The following GPHN variants were observed in gnomAD, a reference collection of about 807,000 sequenced individuals.
The protein encoded by GPHN is gephyrin.
Under a neutral mutation model 95.5 loss-of-function variants are expected in GPHN, and 17 were observed. The observed-to-expected ratio is 0.18, with a 90% CI of 0.12 to 0.27. The LOEUF is 0.27. GPHN is among the 10% of genes least tolerant of loss of function. The pLI, the probability that GPHN is intolerant of heterozygous loss-of-function variation, is 1.00. For synonymous variants in GPHN, 320 were observed against 322.5 expected, an observed-to-expected ratio of 0.99 and a Z score of 0.08; for missense variants, 660 against 978.1, an observed-to-expected ratio of 0.67 and a Z score of 4.34.
chr14:67,723,168 GT>G, the GPHN span, among the ~76,000 whole-genome samples: 1 of 152,208 alleles, frequency 6.6e-6, no homozygotes, highest in Non-Finnish European at 1.5e-5. Flanking sequence ...CTCAATTAAT[GT>G]TTTGGGATGG....
intron 1 of GPHN, among the ~76,000 whole-genome samples, chr14:66,674,641 TTC>T (rs2066486559): frequency 6.6e-6 from 1 of 152,198 alleles, no homozygotes; most frequent in Non-Finnish European, 1.5e-5. Context: ...ATGCATTTAA[TTC>T]TCTCTCTCTT....
the GPHN span, among the ~76,000 whole-genome samples, chr14:67,361,540 G>A: frequency 1.3e-5 from 2 of 152,204 alleles, no homozygotes; most frequent in Non-Finnish European, 2.9e-5. Flanking sequence ...GAATTATCAC[G>A]AGAGTTGTCC....
chr14:66,875,004 G>T (rs2063589819), intron 4 of GPHN, among the ~76,000 whole-genome samples: 2 of 152,182 alleles, frequency 1.3e-5, no homozygotes, highest in Admixed American at 1.3e-4. Flanking sequence ...AGGGCAGCCA[G>T]AGAGAAAGGT....
At chr14:67,459,668 C>T in the GPHN span, among the ~76,000 whole-genome samples, 1 of 152,222 alleles carries the variant, frequency 6.6e-6, no homozygotes, top group African/African-American at 2.4e-5. Context: ...GGGTCAGAGA[C>T]ATCACTTGGG....
At chr14:67,557,450 C>T in the GPHN span, 4 of 1,602,944 alleles carry the variant, frequency 2.5e-6, no homozygotes, top group African/African-American at 1.3e-5. Flanking sequence ...AGCACCATGC[C>T]CTCTTCGACA....
chr14:66,614,518 A>G (rs2062917941), intron 1 of GPHN, among the ~76,000 whole-genome samples: 1 of 151,600 alleles, frequency 6.6e-6, no homozygotes, highest in Non-Finnish European at 1.5e-5. Context: ...GCTTTTCTAC[A>G]TGCAAAATGA....
At chr14:67,324,279 A>G in the GPHN span, among the ~76,000 whole-genome samples, 1 of 152,336 alleles carries the variant, frequency 6.6e-6, no homozygotes, top group African/African-American at 2.4e-5. Flanking sequence ...TATGCTAGAT[A>G]TGGTTGAGGT....
intron 1 of GPHN, among the ~76,000 whole-genome samples, chr14:66,596,582 C>T (rs1189673458): frequency 2.6e-5 from 4 of 152,198 alleles, no homozygotes; most frequent in Non-Finnish European, 4.4e-5. Flanking sequence ...TGAATGTGTG[C>T]ACACCTGGCT....
chr14:67,647,028 A>T, the GPHN span: 1 of 1,592,498 alleles, frequency 6.3e-7, no homozygotes, highest in Non-Finnish European at 8.6e-7. Context: ...ATTGGCAAGT[A>T]AGTAACTATA....
At chr14:66,560,439 T>C (rs2060186480) in intron 1 of GPHN, among the ~76,000 whole-genome samples, 1 of 152,198 alleles carries the variant, frequency 6.6e-6, no homozygotes. Context: ...GTAGTTCTCC[T>C]TGAAGAGGTC....
At chr14:67,193,062 A>ATC in the GPHN span, among the ~76,000 whole-genome samples, 34 of 144,148 alleles carry the variant, frequency 2.4e-4, no homozygotes, top group East Asian at 5.7e-3. Flanking sequence ...ATATCTCTAT[A>ATC]TCTATATATA....
intron 3 of GPHN, among the ~76,000 whole-genome samples, chr14:66,818,932 A>T (rs1197713879): frequency 6.6e-6 from 1 of 151,654 alleles, no homozygotes; most frequent in Admixed American, 6.7e-5. Context: ...CCACTTTTTA[A>T]TGGGTTTTTT....
the GPHN span, among the ~76,000 whole-genome samples, chr14:67,282,542 T>C: frequency 6.6e-6 from 1 of 152,136 alleles, no homozygotes; most frequent in Non-Finnish European, 1.5e-5. Flanking sequence ...CAATGTATGA[T>C]AATAAAAGTA....
chr14:67,129,385 AAAG>A (rs1333010315), intron 17 of GPHN, among the ~76,000 whole-genome samples: 1 of 152,206 alleles, frequency 6.6e-6, no homozygotes, highest in East Asian at 1.9e-4. Flanking sequence ...GGCAAATTAA[AAAG>A]AAGCCAAAGT....
chr14:67,137,272 A>T (rs1159454763), intron 17 of GPHN, among the ~76,000 whole-genome samples: 1 of 151,498 alleles, frequency 6.6e-6, no homozygotes, highest in East Asian at 2.1e-4. Flanking sequence ...CAGCCTCCCG[A>T]GTAGCTGGGA....
chr14:66,805,899 G>C (rs187369437), intron 3 of GPHN, among the ~76,000 whole-genome samples: 1 of 152,278 alleles, frequency 6.6e-6, no homozygotes, highest in Non-Finnish European at 1.5e-5. Flanking sequence ...GGGTCTGGAG[G>C]ATGGTGGCCC....
the GPHN span, among the ~76,000 whole-genome samples, chr14:67,389,280 G>A: frequency 6.6e-6 from 1 of 152,118 alleles, no homozygotes; most frequent in African/African-American, 2.4e-5. Flanking sequence ...GTTCAGAGAA[G>A]GAAGGGATCC....
the GPHN span, among the ~76,000 whole-genome samples, chr14:67,258,910 C>G: frequency 6.6e-6 from 1 of 152,076 alleles, no homozygotes; most frequent in East Asian, 1.9e-4. Flanking sequence ...GGTGTGATCT[C>G]TGCTCACTGC....
chr14:67,350,816 T>C, the GPHN span: 2 of 885,770 alleles, frequency 2.3e-6, no homozygotes, highest in South Asian at 3.7e-5. Flanking sequence ...ATTGGTTTGA[T>C]AACGACAAAC....
Sources: allele counts gnomAD v4.1 joint callset (sites outside exome capture counted in the v4.1 genomes callset), GRCh38; gene constraint gnomAD v4.1.1; transcripts MANE v1.5; gene names NCBI Gene and HGNC (gene_info 2026-07-23, HGNC 2026-07-21).